TLN2: variants seen among roughly 807,000 people sequenced by gnomAD.
The protein encoded by TLN2 is talin-2.
A neutral mutation model predicts 294.7 loss-of-function variants in TLN2; 118 were observed. That is an observed-to-expected ratio of 0.40 (90% CI 0.34 to 0.47). TLN2 has a LOEUF of 0.47. Among genes scored for constraint, TLN2 ranks in the 20% least tolerant of loss-of-function variants. TLN2 has a pLI of 0.84. For missense variants in TLN2, 3,083 were observed against 3,282.2 expected (o/e 0.94, Z 1.48); for synonymous variants, 1,431 against 1,304.5 (o/e 1.10, Z -2.09).
intron 24 of TLN2, among the ~76,000 whole-genome samples, chr15:62,718,622 G>T (rs2059931584): frequency 6.6e-6 from 1 of 152,188 alleles, no homozygotes; most frequent in Non-Finnish European, 1.5e-5. Context: ...TAGTGACATA[G>T]TAGGGTCCTG....
intron 1 of TLN2, among the ~76,000 whole-genome samples, chr15:62,445,922 A>G (rs2035796960): frequency 6.6e-6 from 1 of 152,070 alleles, no homozygotes; most frequent in African/African-American, 2.4e-5. Context: ...AAGTGCTGGG[A>G]TTACAGGCAT....
rs186066689 is a variant in TLN2, at chr15:62,719,464, A to G, written c.2878-303A>G. ...TAGGTTTGCAGTGCCAATGAGCCAG[A>G]TGGTGTGAGTTGCAACTAAGGAAAT... On this transcript the variant is annotated intron_variant, in intron 24 of 58. Transcript: ENST00000636159. Among the ~76,000 whole-genome samples, 15 of 152,236 alleles carry G rather than the reference A, an allele frequency of 9.9e-5. No individual in the cohort carries two copies. In the East Asian group the frequency reaches 2.9e-3, roughly 29 times the overall value.
At chr15:62,685,204 G>C (rs1197416283) in intron 11 of TLN2, among the ~76,000 whole-genome samples, 1 of 151,904 alleles carries the variant, frequency 6.6e-6, no homozygotes, top group Non-Finnish European at 1.5e-5. Flanking sequence ...CCTATATTCT[G>C]TTTTTTAATA....
Position 62,586,459 on chromosome 15 carries a change from A to G in TLN2, c.-237-3228A>G, listed in dbSNP as rs545777526. 6.1e-4 allele frequency among the ~76,000 whole-genome samples: 93 copies of G among 152,330 alleles called. 2 individuals carry two copies. The highest frequency in any genetic ancestry group is 1.1e-3 in the Non-Finnish European group (75 of 68,030). ...ATTTGTGCATCTACAAGGAATTATG[A>G]CTTTTTAGCCAAGTTTATAATTATG... is the stretch of plus-strand genomic sequence containing the variant. On this transcript the variant is annotated intron_variant, in intron 1 of 58. Transcript: ENST00000636159.
chr15:62,515,752 G>A (rs1367419911), intron 1 of TLN2, among the ~76,000 whole-genome samples: 1 of 151,680 alleles, frequency 6.6e-6, no homozygotes, highest in Non-Finnish European at 1.5e-5. Context: ...TTTCAGACGT[G>A]TGTTTTTATA....
intron 1 of TLN2, among the ~76,000 whole-genome samples, chr15:62,538,756 G>C (rs1381311460): frequency 1.3e-5 from 2 of 152,150 alleles, no homozygotes; most frequent in Non-Finnish European, 2.9e-5. Context: ...ATATCCACTT[G>C]ATAGACTCAG....
At chr15:62,836,848 CGA>C (rs2069692128) in intron 57 of TLN2, among the ~76,000 whole-genome samples, 1 of 152,148 alleles carries the variant, frequency 6.6e-6, no homozygotes, top group Non-Finnish European at 1.5e-5. Context: ...GTAATCATGG[CGA>C]GATACATTCT....
chr15:62,662,363 G>A (rs1467215452), intron 9 of TLN2, among the ~76,000 whole-genome samples: 1 of 152,046 alleles, frequency 6.6e-6, no homozygotes, highest in African/African-American at 2.4e-5. Context: ...ACTAGGCCCA[G>A]GTTATTTCAG....
intron 9 of TLN2, among the ~76,000 whole-genome samples, chr15:62,672,799 G>A (rs990784637): frequency 1.3e-5 from 2 of 151,922 alleles, no homozygotes; most frequent in Non-Finnish European, 2.9e-5. Context: ...GTGTCGGGGG[G>A]TTGCCACCAG....
chr15:62,428,656 TGAG>T (rs2034846808), intron 1 of TLN2, among the ~76,000 whole-genome samples: 1 of 152,228 alleles, frequency 6.6e-6, no homozygotes, highest in African/African-American at 2.4e-5. Context: ...TAAATGCTTT[TGAG>T]AAGAGGAAAA....
At chr15:62,718,397 G>A (rs1017957499) in intron 24 of TLN2, among the ~76,000 whole-genome samples, 2 of 152,196 alleles carry the variant, frequency 1.3e-5, no homozygotes, top group Admixed American at 1.3e-4. Flanking sequence ...CTGGCTGGGA[G>A]GCATACCTGT....
At chr15:62,585,663 G>C (rs2045539556) in intron 1 of TLN2, among the ~76,000 whole-genome samples, 2 of 152,140 alleles carry the variant, frequency 1.3e-5, no homozygotes, top group African/African-American at 2.4e-5. Context: ...ATGATTTATT[G>C]TATGTTACTC....
At chr15:62,508,215 T>G (rs2039732805) in intron 1 of TLN2, among the ~76,000 whole-genome samples, 1 of 151,668 alleles carries the variant, frequency 6.6e-6, no homozygotes, top group Non-Finnish European at 1.5e-5. Context: ...TAAAATTATT[T>G]TATTTATTTA....
chr15:62,756,488 G>T (rs1016184058), intron 37 of TLN2, among the ~76,000 whole-genome samples: 1 of 152,116 alleles, frequency 6.6e-6, no homozygotes, highest in Non-Finnish European at 1.5e-5. Flanking sequence ...GCACCATCGC[G>T]CCAGCTCCCT....
chr15:62,709,175 TCAC>T (rs529064084), intron 21 of TLN2, among the ~76,000 whole-genome samples: 243 of 152,244 alleles, frequency 1.6e-3, no homozygotes, highest in African/African-American at 5.6e-3. Context: ...CCTGGAGGGC[TCAC>T]CACATGCCGC....
chr15:62,486,463 T>TTG (rs2038407549), intron 1 of TLN2, among the ~76,000 whole-genome samples: 2 of 148,970 alleles, frequency 1.3e-5, no homozygotes, highest in African/African-American at 4.9e-5. Context: ...TTTTTTTTTT[T>TTG]TTTTTTTTTT....
rs984699313 is a variant in TLN2, at chr15:62,717,835, A to G, written c.2877+146A>G. The stretch of plus-strand genomic sequence containing the variant: ...CAGTTCCCATGTTCCAGGTGTCTAC[A>G]CGTCTGGTTTTTGTCCATTAAGTGG... On this transcript the variant is annotated intron_variant, in intron 24 of 58. Coordinates refer to ENST00000636159, the MANE Select transcript of TLN2 (RefSeq NM_015059.3). The G allele has an allele frequency of 1.1e-5, 6 of 535,696 alleles. No individual in the cohort carries two copies. In the South Asian group the frequency reaches 1.5e-4, roughly 13 times the overall value. 33.2% of individuals were successfully genotyped at this position (535,696 alleles called of 1,614,324 possible).
chr15:62,542,882 CA>C (rs1274712528), intron 1 of TLN2, among the ~76,000 whole-genome samples: 1 of 152,038 alleles, frequency 6.6e-6, no homozygotes, highest in Non-Finnish European at 1.5e-5. Context: ...CCCAGGATTA[CA>C]AGCAGAAGTC....
intron 11 of TLN2, among the ~76,000 whole-genome samples, chr15:62,680,115 C>A (rs117185585): frequency 2.0e-5 from 3 of 152,114 alleles, no homozygotes; most frequent in Admixed American, 2.0e-4. Flanking sequence ...ATTCCCTTAA[C>A]GTTTTTCTTC....
Sources: allele counts gnomAD v4.1 joint callset (sites outside exome capture counted in the v4.1 genomes callset), GRCh38; gene constraint gnomAD v4.1.1; transcripts MANE v1.5; gene names NCBI Gene and HGNC (gene_info 2026-07-23, HGNC 2026-07-21).